Variants in TBC1D15 observed in about 807,000 individuals in gnomAD.
The protein encoded by TBC1D15 is TBC1 domain family member 15, also known as GAP for RAB7.
In TBC1D15, 39 loss-of-function variants were observed where a neutral mutation model predicts 95.4. The observed-to-expected ratio is 0.41, with a 90% CI of 0.32 to 0.53. The LOEUF is 0.53. Among genes scored for constraint, TBC1D15 ranks in the 20% least tolerant of loss-of-function variants. The pLI is 0.29. For missense variants in TBC1D15, 733 were observed against 794.3 expected, an observed-to-expected ratio of 0.92 and a Z score of 0.93; for synonymous variants, 258 against 261.3, an observed-to-expected ratio of 0.99 and a Z score of 0.12.
chr12:71,916,582 A>T (rs954986180), intron 12 of TBC1D15, among the ~76,000 whole-genome samples: 18 of 152,228 alleles, frequency 1.2e-4, no homozygotes, highest in Non-Finnish European at 2.2e-4. Context: ...TGATAGTTCT[A>T]ATAAAGCACT....
intron 4 of TBC1D15, among the ~76,000 whole-genome samples, chr12:71,883,787 C>G (rs1055070255): frequency 6.6e-6 from 1 of 152,092 alleles, no homozygotes; most frequent in Non-Finnish European, 1.5e-5. Context: ...AGAGACACGA[C>G]TTGCTTATGT....
chr12:71,846,977 T>G (rs1237685921), intron 1 of TBC1D15, among the ~76,000 whole-genome samples: 2 of 152,096 alleles, frequency 1.3e-5, no homozygotes, highest in Non-Finnish European at 2.9e-5. Context: ...CTCCGTCTGC[T>G]TAGAACTCTT....
intron 1 of TBC1D15, among the ~76,000 whole-genome samples, chr12:71,855,944 G>T (rs551771196): frequency 7.6e-5 from 11 of 145,638 alleles, no homozygotes; most frequent in Non-Finnish European, 1.1e-4. Context: ...GGTTTTTTTT[G>T]GGGGGGGGTA....
intron 10 of TBC1D15, among the ~76,000 whole-genome samples, chr12:71,905,406 G>A (rs1348206111): frequency 6.6e-6 from 1 of 152,176 alleles, no homozygotes; most frequent in Admixed American, 6.5e-5. Context: ...GCTCACTGCA[G>A]CCTCAACTTC....
intron 5 of TBC1D15, among the ~76,000 whole-genome samples, chr12:71,888,989 C>T (rs1302811631): frequency 6.6e-6 from 1 of 151,426 alleles, no homozygotes; most frequent in East Asian, 1.9e-4. Flanking sequence ...TAATAAGTGC[C>T]GTGAATAAGA....
intron 1 of TBC1D15, chr12:71,854,760 C>T: frequency 2.2e-6 from 1 of 456,432 alleles, no homozygotes; most frequent in Non-Finnish European, 4.4e-6. Flanking sequence ...AATTGCATTC[C>T]TCTCCCCCCC....
chr12:71,864,352 G>A (rs1361707454), intron 1 of TBC1D15, among the ~76,000 whole-genome samples: 4 of 152,138 alleles, frequency 2.6e-5, no homozygotes, highest in Non-Finnish European at 5.9e-5. Flanking sequence ...ACAGGTGTGA[G>A]CTACTGCACC....
In TBC1D15 at chr12:71,905,618, A is replaced by G. The variant is rs142767108; in HGVS notation, c.1184-1404A>G. On this transcript the variant is annotated intron_variant, in intron 10 of 16. Coordinates refer to ENST00000485960, the MANE Select transcript of TBC1D15 (RefSeq NM_001146213.3). ...TGGGATTATAGGCATGAGCCACTGTACCTGGCCCATTTTGACATTTCTAAT... is the reference window on the plus strand; with the variant it reads ...TGGGATTATAGGCATGAGCCACTGTGCCTGGCCCATTTTGACATTTCTAAT... Among the ~76,000 whole-genome samples, 343 of 152,190 alleles carry G rather than the reference A, an allele frequency of 2.3e-3. 3 individuals are homozygous for G. Among genetic ancestry groups the G allele is most frequent in the African/African-American group, 7.7e-3 (319 of 41,538 alleles).
intron 1 of TBC1D15, among the ~76,000 whole-genome samples, chr12:71,852,583 T>C (rs1415106971): frequency 6.6e-6 from 1 of 152,214 alleles, no homozygotes; most frequent in East Asian, 1.9e-4. Context: ...CGTATGCATA[T>C]GAGCATAGGT....
Position 71,896,714 on chromosome 12 carries a change from T to A in TBC1D15, c.1022T>A (p.Phe341Tyr), listed in dbSNP as rs775335374. The part of the protein sequence containing the change: ...SHALRKQAWK[F>Y]LLGYFPWDST... ...GCATTGAGAAAGCAAGCATGGAAAT[T>A]TCTTCTGGGTTATTTTCCCTGGGAC... The change falls in exon 9 of 17, where the codon TTT becomes TAT. Residue 341 changes from phenylalanine (F) to tyrosine (Y), a missense_variant. Physicochemically the swap from Phe to Tyr is conservative, Grantham distance 22. Transcript: ENST00000485960. 40 of 1,612,916 alleles carry A rather than the reference T, an allele frequency of 2.5e-5. No homozygotes were observed. In the Admixed American group the frequency reaches 3.3e-4, roughly 13 times the overall value.
intron 1 of TBC1D15, among the ~76,000 whole-genome samples, chr12:71,847,274 T>A (rs1886524829): frequency 6.6e-6 from 1 of 152,216 alleles, no homozygotes; most frequent in South Asian, 2.1e-4. Context: ...TAGTTTTAAT[T>A]TTCTAGAACT....
chr12:71,894,982 A>T, intron 7 of TBC1D15, 99 bp downstream of exon 7: 1 of 1,179,620 alleles, frequency 8.5e-7, no homozygotes, highest in Non-Finnish European at 1.2e-6. Flanking sequence ...GCTTCTTTCC[A>T]TAATCTGTTC....
chr12:71,861,663 A>G (rs1381404847), intron 1 of TBC1D15, among the ~76,000 whole-genome samples: 1 of 150,922 alleles, frequency 6.6e-6, no homozygotes, highest in Non-Finnish European at 1.5e-5. Flanking sequence ...TTGTTCTGTA[A>G]ATTTTTTTTT....
chr12:71,870,266 C>T (rs1892384851), intron 1 of TBC1D15, among the ~76,000 whole-genome samples: 1 of 152,190 alleles, frequency 6.6e-6, no homozygotes, highest in East Asian at 1.9e-4. Context: ...CCTTCTCCTT[C>T]CTCTAACATT....
chr12:71,844,224 C>A (rs1339793001), intron 1 of TBC1D15, among the ~76,000 whole-genome samples: 1 of 152,234 alleles, frequency 6.6e-6, no homozygotes, highest in Admixed American at 6.5e-5. Context: ...CCTGCAGCCA[C>A]TTTATTGGCT....
intron 3 of TBC1D15, among the ~76,000 whole-genome samples, chr12:71,879,387 G>A (rs916045169): frequency 2.0e-5 from 3 of 152,002 alleles, no homozygotes; most frequent in Admixed American, 1.3e-4. Context: ...CACCCGCTTC[G>A]GTCTCCCAAA....
In TBC1D15 at chr12:71,884,899, T is replaced by C; in HGVS notation, c.432T>C (p.Gly144=). ...AATCAATCAAGCAAAACAAAGAGGGTATGGGCTGGTCCTATTTGGTATTCT... is the reference window on the plus strand; with the variant it reads ...AATCAATCAAGCAAAACAAAGAGGGCATGGGCTGGTCCTATTTGGTATTCT... The part of the protein sequence containing the change: ...DLKSIKQNKE[G]MGWSYLVFCL... The change falls in exon 5 of 17, where the codon GGT becomes GGC. Residue 144 remains glycine, a synonymous_variant. Transcript: ENST00000485960. 6.2e-7 allele frequency: 1 copy of C among 1,613,982 alleles called. No homozygotes were observed. Among genetic ancestry groups the C allele is most frequent in the Non-Finnish European group, 8.5e-7 (1 of 1,179,942 alleles).
chr12:71,880,346 G>T, intron 3 of TBC1D15, 123 bp from the exon 4 acceptor site: 3 of 646,876 alleles, frequency 4.6e-6, no homozygotes, highest in South Asian at 5.1e-5. Flanking sequence ...AGGAAATGGT[G>T]TTCAGTTTTC....
chr12:71,877,373 T>A (rs1360478304), intron 3 of TBC1D15, among the ~76,000 whole-genome samples: 1 of 151,804 alleles, frequency 6.6e-6, no homozygotes, highest in Admixed American at 6.6e-5. Flanking sequence ...TTTTTTTTAA[T>A]TCTGGGAAAT....
Sources: allele counts gnomAD v4.1 joint callset (sites outside exome capture counted in the v4.1 genomes callset), GRCh38; gene constraint gnomAD v4.1.1; transcripts MANE v1.5; gene names NCBI Gene and HGNC (gene_info 2026-07-23, HGNC 2026-07-21).